The following RAB3C variants were observed in gnomAD, a reference collection of about 807,000 sequenced individuals.
The protein encoded by RAB3C is RAB3C, member RAS oncogene family.
Under a neutral mutation model 26.4 loss-of-function variants are expected in RAB3C, and 17 were observed. That is an observed-to-expected ratio of 0.64 (90% CI 0.44 to 0.97). The LOEUF (loss-of-function observed/expected upper bound fraction) is 0.97. Ranked by LOEUF, RAB3C falls within the 50% of genes least tolerant of loss-of-function variation. The pLI, the probability that RAB3C is intolerant of heterozygous loss-of-function variation, is 0.00. For synonymous variants in RAB3C, 91 were observed against 95.9 expected (o/e 0.95, Z 0.30); for missense variants, 242 against 281.9 (o/e 0.86, Z 1.01).
chr5:58,765,034 T>C (rs1001287396), intron 3 of RAB3C, among the ~76,000 whole-genome samples: 2 of 152,220 alleles, frequency 1.3e-5, no homozygotes, highest in Non-Finnish European at 2.9e-5. Context: ...CTTAATATTC[T>C]ATTGTCTTTC....
intron 2 of RAB3C, among the ~76,000 whole-genome samples, chr5:58,696,502 G>A (rs554691041): frequency 9.2e-5 from 14 of 152,308 alleles, no homozygotes; most frequent in Admixed American, 4.6e-4. Flanking sequence ...AATAGTACCA[G>A]CTCTTCTTTG....
At chr5:58,740,514 A>G (rs1334615313) in intron 3 of RAB3C, among the ~76,000 whole-genome samples, 1 of 152,154 alleles carries the variant, frequency 6.6e-6, no homozygotes, top group African/African-American at 2.4e-5. Flanking sequence ...TGTATTGACT[A>G]TTTTGATTAT....
chr5:58,822,315 C>CCACT (rs1215917518), intron 3 of RAB3C, among the ~76,000 whole-genome samples: 2 of 152,210 alleles, frequency 1.3e-5, no homozygotes, highest in East Asian at 3.9e-4. Flanking sequence ...GGGCAATTAA[C>CCACT]CACTCTATGC....
intron 3 of RAB3C, among the ~76,000 whole-genome samples, chr5:58,750,954 A>G (rs1335959568): frequency 1.3e-5 from 2 of 152,052 alleles, no homozygotes; most frequent in Non-Finnish European, 2.9e-5. Context: ...TCCCGGGTTC[A>G]AGAGATTCTC....
At chr5:58,746,619 A>G (rs1417042176) in intron 3 of RAB3C, among the ~76,000 whole-genome samples, 1 of 152,182 alleles carries the variant, frequency 6.6e-6, no homozygotes, top group African/African-American at 2.4e-5. Flanking sequence ...TCATCCATAA[A>G]GTGCATGTTT....
At chr5:58,615,552 G>A (rs1206463653) in intron 1 of RAB3C, among the ~76,000 whole-genome samples, 1 of 152,124 alleles carries the variant, frequency 6.6e-6, no homozygotes, top group Non-Finnish European at 1.5e-5. Flanking sequence ...GTTCAAACTA[G>A]TGGTCAAGAG....
At chr5:58,713,468 A>C (rs1157748038) in intron 2 of RAB3C, among the ~76,000 whole-genome samples, 1 of 152,212 alleles carries the variant, frequency 6.6e-6, no homozygotes, top group Non-Finnish European at 1.5e-5. Context: ...TGAGTGACAC[A>C]ATCACTTTTC....
intron 2 of RAB3C, among the ~76,000 whole-genome samples, chr5:58,645,720 G>A (rs1455127110): frequency 6.6e-6 from 1 of 152,178 alleles, no homozygotes; most frequent in African/African-American, 2.4e-5. Flanking sequence ...ATGCTTTCTG[G>A]AAAAACTGAT....
chr5:58,655,509 G>C (rs1370297741), intron 2 of RAB3C, among the ~76,000 whole-genome samples: 1 of 152,190 alleles, frequency 6.6e-6, no homozygotes, highest in East Asian at 1.9e-4. Context: ...AAACCAAATA[G>C]TAGAATGTTA....
rs145586179 is a variant in RAB3C, at chr5:58,586,249, A to G, written c.24+3017A>G. On this transcript the variant is annotated intron_variant, in intron 1 of 4. Transcript: ENST00000282878. Reference sequence around the variant, plus strand: ...TAGCAGTCACTATTACCCTAATTATAGGCATGATCACTCGAACTTATTAAG... The same window carrying G: ...TAGCAGTCACTATTACCCTAATTATGGGCATGATCACTCGAACTTATTAAG... Among the ~76,000 whole-genome samples, 443 of 152,228 alleles carry G rather than the reference A, an allele frequency of 2.9e-3. 1 individual carries two copies. Among genetic ancestry groups the G allele is most frequent in the African/African-American group, 0.01 (424 of 41,572 alleles).
At chr5:58,693,338 A>ATGTG (rs1232622191) in intron 2 of RAB3C, among the ~76,000 whole-genome samples, 1 of 124,566 alleles carries the variant, frequency 8.0e-6, no homozygotes, top group Non-Finnish European at 1.7e-5. Flanking sequence ...ATATATGTGT[A>ATGTG]TATATATATA....
intron 3 of RAB3C, among the ~76,000 whole-genome samples, chr5:58,751,906 A>G (rs1741535787): frequency 6.6e-6 from 1 of 152,184 alleles, no homozygotes; most frequent in Non-Finnish European, 1.5e-5. Context: ...AAAGCTATAC[A>G]TAAAAAAGCA....
chr5:58,707,975 T>G (rs1748979045), intron 2 of RAB3C, among the ~76,000 whole-genome samples: 1 of 148,202 alleles, frequency 6.7e-6, no homozygotes, highest in Non-Finnish European at 1.5e-5. Flanking sequence ...GAATCATCCC[T>G]TATCTTTCTT....
intron 3 of RAB3C, among the ~76,000 whole-genome samples, chr5:58,805,280 A>G (rs1236869223): frequency 6.6e-6 from 1 of 152,190 alleles, no homozygotes; most frequent in Non-Finnish European, 1.5e-5. Context: ...TAAGAGCCAA[A>G]TGGGCAGTAT....
intron 3 of RAB3C, among the ~76,000 whole-genome samples, chr5:58,792,096 A>G (rs997895600): frequency 3.9e-5 from 6 of 152,364 alleles, no homozygotes; most frequent in South Asian, 2.1e-4. Flanking sequence ...GTAATATCTT[A>G]TATGAGGAAA....
At chr5:58,746,891 T>C (rs1741413335) in intron 3 of RAB3C, among the ~76,000 whole-genome samples, 1 of 152,240 alleles carries the variant, frequency 6.6e-6, no homozygotes, top group South Asian at 2.1e-4. Flanking sequence ...AGAAAATTGT[T>C]TGATTGGTTC....
intron 2 of RAB3C, among the ~76,000 whole-genome samples, chr5:58,650,580 C>T (rs1747622867): frequency 6.6e-6 from 1 of 152,154 alleles, no homozygotes; most frequent in Admixed American, 6.5e-5. Flanking sequence ...TAAACATTAT[C>T]AATAGAGCAT....
chr5:58,771,305 G>A (rs760418264), intron 3 of RAB3C, among the ~76,000 whole-genome samples: 1 of 152,000 alleles, frequency 6.6e-6, no homozygotes, highest in Non-Finnish European at 1.5e-5. Context: ...AAGAAGTCCT[G>A]CTTTAAAAGA....
intron 4 of RAB3C, among the ~76,000 whole-genome samples, chr5:58,828,632 C>T (rs12523303): frequency 0.036 from 5,551 of 152,312 alleles, 238 homozygotes; most frequent in Admixed American, 0.12. Context: ...TTCAGTACTT[C>T]TGATTTAGAG....
Sources: allele counts gnomAD v4.1 joint callset (sites outside exome capture counted in the v4.1 genomes callset), GRCh38; gene constraint gnomAD v4.1.1; transcripts MANE v1.5; gene names NCBI Gene and HGNC (gene_info 2026-07-23, HGNC 2026-07-21).